Variants in GRID2 observed in about 807,000 individuals in gnomAD.
GRID2 encodes the protein glutamate receptor ionotropic, delta-2.
GRID2 carries 33 observed loss-of-function variants against 114.8 expected under a neutral mutation model. The observed-to-expected ratio is 0.29, with a 90% CI of 0.22 to 0.38. The LOEUF (loss-of-function observed/expected upper bound fraction) is 0.38, where lower values mean the gene tolerates loss of function less well. Ranked by LOEUF, GRID2 falls within the 10% of genes least tolerant of loss-of-function variation. GRID2 has a pLI of 1.00. For synonymous variants in GRID2, 505 were observed against 449.9 expected, an observed-to-expected ratio of 1.12 and a Z score of -1.55; for missense variants, 1,184 against 1,257.7, an observed-to-expected ratio of 0.94 and a Z score of 0.89.
chr4:93,428,539 A>G (rs1021384054), intron 10 of GRID2, among the ~76,000 whole-genome samples: 5 of 152,168 alleles, frequency 3.3e-5, no homozygotes, highest in Non-Finnish European at 2.9e-5. Context: ...AAAGGATTGT[A>G]ATTTTAATTT....
At chr4:93,149,058 A>G (rs991535730) in intron 4 of GRID2, among the ~76,000 whole-genome samples, 11 of 152,148 alleles carry the variant, frequency 7.2e-5, no homozygotes, top group Admixed American at 1.3e-4. Context: ...GTTGACTAAC[A>G]ATTCTACACA....
intron 1 of GRID2, among the ~76,000 whole-genome samples, chr4:92,487,571 C>A (rs552463278): frequency 2.0e-5 from 3 of 151,966 alleles, no homozygotes; most frequent in Non-Finnish European, 4.4e-5. Context: ...CAATAAATAA[C>A]TACATTGTCT....
At chr4:92,386,321 C>T (rs1729958705) in intron 1 of GRID2, among the ~76,000 whole-genome samples, 1 of 151,630 alleles carries the variant, frequency 6.6e-6, no homozygotes, top group Admixed American at 6.6e-5. Flanking sequence ...CTAATTTGAT[C>T]ATCAAAGTGT....
intron 2 of GRID2, among the ~76,000 whole-genome samples, chr4:92,608,755 A>C (rs940248460): frequency 2.6e-5 from 4 of 151,796 alleles, no homozygotes; most frequent in African/African-American, 9.7e-5. Flanking sequence ...TAAGTGAGAT[A>C]ATGTTTTAAC....
chr4:93,147,645 C>G (rs940411769), intron 4 of GRID2, among the ~76,000 whole-genome samples: 8 of 151,960 alleles, frequency 5.3e-5, no homozygotes, highest in African/African-American at 1.7e-4. Context: ...GGCTTCACCA[C>G]CAACAGCAGA....
chr4:92,416,442 G>A (rs182668306), intron 1 of GRID2, among the ~76,000 whole-genome samples: 155 of 152,104 alleles, frequency 1.0e-3, no homozygotes, highest in African/African-American at 3.6e-3. Flanking sequence ...TTTCTGCTGC[G>A]TTGGCTTTTG....
intron 14 of GRID2, among the ~76,000 whole-genome samples, chr4:93,633,849 C>A (rs1453682049): frequency 6.6e-6 from 1 of 152,104 alleles, no homozygotes; most frequent in Non-Finnish European, 1.5e-5. Flanking sequence ...TCCTTTAATA[C>A]CCCAATTGGA....
chr4:92,391,430 A>G (rs1024021471), intron 1 of GRID2, among the ~76,000 whole-genome samples: 3 of 152,162 alleles, frequency 2.0e-5, no homozygotes, highest in Non-Finnish European at 4.4e-5. Flanking sequence ...TATAAATATT[A>G]AATAATATTA....
intron 8 of GRID2, among the ~76,000 whole-genome samples, chr4:93,289,852 T>C (rs568879850): frequency 3.3e-5 from 5 of 152,162 alleles, no homozygotes; most frequent in African/African-American, 9.6e-5. Flanking sequence ...TAAAAGGTCT[T>C]ACAAAATGTT....
intron 12 of GRID2, among the ~76,000 whole-genome samples, chr4:93,501,995 C>G (rs1171976236): frequency 1.3e-5 from 2 of 151,664 alleles, no homozygotes; most frequent in African/African-American, 4.8e-5. Context: ...TAAATTCTAT[C>G]CACCACAAAC....
intron 2 of GRID2, among the ~76,000 whole-genome samples, chr4:93,011,913 T>A (rs559234257): frequency 6.6e-6 from 1 of 152,142 alleles, no homozygotes; most frequent in African/African-American, 2.4e-5. Context: ...TTCGGTTTTA[T>A]AATGTACAAT....
At chr4:92,602,624 T>C (rs994543032) in intron 2 of GRID2, among the ~76,000 whole-genome samples, 23 of 152,250 alleles carry the variant, frequency 1.5e-4, no homozygotes, top group Middle Eastern at 6.8e-3. Flanking sequence ...CCTGGAAGCA[T>C]TCAACTTGAA....
chr4:93,563,993 A>C (rs1735164483), intron 13 of GRID2, among the ~76,000 whole-genome samples: 1 of 152,010 alleles, frequency 6.6e-6, no homozygotes, highest in Non-Finnish European at 1.5e-5. Flanking sequence ...ATATTAATTG[A>C]GGAAAATTTT....
intron 1 of GRID2, among the ~76,000 whole-genome samples, chr4:92,569,929 A>T (rs1053450432): frequency 1.3e-5 from 2 of 152,030 alleles, no homozygotes; most frequent in Non-Finnish European, 2.9e-5. Flanking sequence ...CTCTGTTGAT[A>T]CTTTCTTTTG....
chr4:93,238,599 G>T, intron 8 of GRID2, 109 bp downstream of exon 8: 4 of 802,508 alleles, frequency 5.0e-6, no homozygotes, highest in South Asian at 2.2e-5. Context: ...ATTGTAGTGT[G>T]AAAGAGAAAG....
chr4:93,685,157 A>G (rs1017595308), intron 14 of GRID2, among the ~76,000 whole-genome samples: 1 of 152,070 alleles, frequency 6.6e-6, no homozygotes, highest in African/African-American at 2.4e-5. Context: ...TCTCATTCAC[A>G]CACTTTATCA....
At chr4:92,367,682 A>G (rs1420169930) in intron 1 of GRID2, among the ~76,000 whole-genome samples, 1 of 152,072 alleles carries the variant, frequency 6.6e-6, no homozygotes, top group Non-Finnish European at 1.5e-5. Flanking sequence ...CATCTAAGTG[A>G]AGTTGGAAGT....
intron 8 of GRID2, among the ~76,000 whole-genome samples, chr4:93,380,513 A>T (rs957579177): frequency 6.6e-6 from 1 of 151,410 alleles, no homozygotes; most frequent in African/African-American, 2.4e-5. Flanking sequence ...ATAATTTTCA[A>T]TTTCAATTAG....
At chr4:93,428,257 A>G (rs937941725) in intron 10 of GRID2, among the ~76,000 whole-genome samples, 2 of 152,068 alleles carry the variant, frequency 1.3e-5, no homozygotes, top group Admixed American at 1.3e-4. Context: ...TTCATATATT[A>G]ATTTGTTTGG....
Sources: allele counts gnomAD v4.1 joint callset (sites outside exome capture counted in the v4.1 genomes callset), GRCh38; gene constraint gnomAD v4.1.1; transcripts MANE v1.5; gene names NCBI Gene and HGNC (gene_info 2026-07-23, HGNC 2026-07-21).